The following KIFC1 variants were observed in gnomAD, a reference collection of about 807,000 sequenced individuals.
KIFC1 encodes the protein kinesin family member C1.
In KIFC1, 37 loss-of-function variants were observed where a neutral mutation model predicts 66.6. The ratio of observed to expected loss-of-function variants is 0.56; its 90% confidence interval spans 0.43 to 0.73. The LOEUF (loss-of-function observed/expected upper bound fraction) is 0.73. KIFC1 is among the 30% of genes least tolerant of loss of function. The pLI is 0.00. For missense variants in KIFC1, 721 were observed against 859.8 expected, an observed-to-expected ratio of 0.84 and a Z score of 2.02; for synonymous variants, 325 against 343.5, an observed-to-expected ratio of 0.95 and a Z score of 0.60.
intron 1 of KIFC1, 51 bp from the exon 2 acceptor site, chr6:33,397,978 T>G: frequency 6.2e-7 from 1 of 1,600,214 alleles, no homozygotes; most frequent in Non-Finnish European, 8.5e-7. Context: ...AGGAAGTTCT[T>G]GGGACATTTG....
At chr6:33,408,127 T>G (rs1329236865) in intron 10 of KIFC1, among the ~76,000 whole-genome samples, 1 of 152,242 alleles carries the variant, frequency 6.6e-6, no homozygotes, top group Admixed American at 6.5e-5. Flanking sequence ...AACTTTAATA[T>G]CCTCTAATAC....
At position 33,404,192 on chromosome 6, in the gene KIFC1, CCCTT is replaced by C. The variant is rs773253724; in HGVS notation, c.756+66_756+69del. ...TCCTGGCAGAGGTCATGCCTCCCCTCCCTTCCAGGTACCCCTCAAGTCTGGGCTG... is the reference window on the plus strand; with the variant it reads ...TCCTGGCAGAGGTCATGCCTCCCCTCCCAGGTACCCCTCAAGTCTGGGCTG... On this transcript the variant is annotated intron_variant, in intron 6 of 10. Coordinates refer to ENST00000428849, the MANE Select transcript of KIFC1 (RefSeq NM_002263.4). The surrounding 1 kb of genome is among the most constrained non-coding windows in gnomAD (Gnocchi z 4.0). 1.1e-5 allele frequency: 17 copies of C among 1,504,722 alleles called. No homozygotes were observed. The highest frequency in any genetic ancestry group is 1.5e-5 in the Non-Finnish European group (17 of 1,108,372). 93.2% of individuals were successfully genotyped at this position (1,504,722 alleles called of 1,614,324 possible).
chr6:33,399,148 G>A (rs1404265408), intron 3 of KIFC1, among the ~76,000 whole-genome samples: 1 of 152,192 alleles, frequency 6.6e-6, no homozygotes, highest in Non-Finnish European at 1.5e-5. Flanking sequence ...AGCACTTTGG[G>A]GGGCCAAGGT....
rs1775632490 is a variant in KIFC1, at chr6:33,406,033, C to G, written c.1537-163C>G. ...ACCCCGCCTTTATACACTCCCTATT[C>G]TATGTATTCCTTACCATTTTCAGAC... On this transcript the variant is annotated intron_variant, in intron 7 of 10. Coordinates refer to ENST00000428849, the MANE Select transcript of KIFC1 (RefSeq NM_002263.4). This position sits in a 1 kb window ranked among gnomAD's most constrained non-coding sequence, Gnocchi z 4.5. 6.6e-6 allele frequency among the ~76,000 whole-genome samples: 1 copy of G among 151,970 alleles called. No homozygotes were observed. Among genetic ancestry groups the G allele is most frequent in the South Asian group, 2.1e-4 (1 of 4,820 alleles).
In KIFC1 at chr6:33,405,688, G is replaced by T; in HGVS notation, c.1536+57G>T. On this transcript the variant is annotated intron_variant, in intron 7 of 10. Transcript: ENST00000428849. The surrounding 1 kb of genome is among the most constrained non-coding windows in gnomAD (Gnocchi z 5.4). Reference sequence around the variant, plus strand: ...TGGGGAGGAGTGGGCAGGGTGCCACGAGATGGAGGTAGAGGGAGAAAGGAG... The same window carrying T: ...TGGGGAGGAGTGGGCAGGGTGCCACTAGATGGAGGTAGAGGGAGAAAGGAG... 7.0e-7 allele frequency: 1 copy of T among 1,422,122 alleles called. No homozygotes were observed. The highest frequency in any genetic ancestry group is 1.5e-5 in the South Asian group (1 of 65,518). 88.1% of individuals were successfully genotyped at this position (1,422,122 alleles called of 1,614,324 possible). A position where few individuals can be genotyped will look rare whatever the true frequency, so the allele number is the denominator to read the frequency against.
intron 3 of KIFC1, among the ~76,000 whole-genome samples, chr6:33,399,849 A>C (rs768042185): frequency 5.9e-5 from 9 of 152,274 alleles, no homozygotes; most frequent in Non-Finnish European, 1.2e-4. Context: ...TGTAGACTTT[A>C]GAAACATGGT....
intron 1 of KIFC1, among the ~76,000 whole-genome samples, chr6:33,393,009 G>A (rs919483443): frequency 6.6e-5 from 10 of 152,136 alleles, no homozygotes; most frequent in African/African-American, 2.4e-4. Context: ...CGTAAGTGCT[G>A]TGGAGAAAAG....
chr6:33,408,115 T>C (rs1775741119), intron 10 of KIFC1, among the ~76,000 whole-genome samples: 1 of 152,246 alleles, frequency 6.6e-6, no homozygotes, highest in Non-Finnish European at 1.5e-5. Flanking sequence ...TCCAACAACA[T>C]GAACTTTAAT....
rs1038667772 is a variant in KIFC1, at chr6:33,401,081, T to C, written c.251-2233T>C. 6.6e-6 allele frequency among the ~76,000 whole-genome samples: 1 copy of C among 152,232 alleles called. No individual in the cohort carries two copies. Among genetic ancestry groups the C allele is most frequent in the Non-Finnish European group, 1.5e-5 (1 of 68,048 alleles). On this transcript the variant is annotated intron_variant, in intron 3 of 10. Coordinates refer to ENST00000428849, the MANE Select transcript of KIFC1 (RefSeq NM_002263.4). The surrounding 1 kb of genome is among the most constrained non-coding windows in gnomAD (Gnocchi z 4.5). ...TAAATTTTGTTTTGGGCGGGGAGCA[T>C]ATATTCAGGGCAATATGAATCTCTG...
At position 33,406,926 on chromosome 6, in the gene KIFC1, T is replaced by G. The variant is rs963558400; in HGVS notation, c.1977+51T>G. 6 of 1,611,334 alleles carry G rather than the reference T, an allele frequency of 3.7e-6. No homozygotes were observed. The highest frequency in any genetic ancestry group is 4.2e-6 in the Non-Finnish European group (5 of 1,178,734). On this transcript the variant is annotated intron_variant, in intron 10 of 10. Transcript: ENST00000428849. The surrounding 1 kb of genome is among the most constrained non-coding windows in gnomAD (Gnocchi z 4.5). Reference sequence around the variant, plus strand: ...TCAGGACCCGTGGGTGGTTGTAGGCTTCTCCATTCCAATCCCTTTTGTCTT... The same window carrying G: ...TCAGGACCCGTGGGTGGTTGTAGGCGTCTCCATTCCAATCCCTTTTGTCTT...
intron 10 of KIFC1, among the ~76,000 whole-genome samples, chr6:33,407,440 TCCTC>T (rs1425061749): frequency 1.3e-5 from 2 of 151,888 alleles, no homozygotes; most frequent in African/African-American, 4.8e-5. Context: ...TCCCTAAGAT[TCCTC>T]CCTATCAGCA....
At position 33,398,334 on chromosome 6, in the gene KIFC1, A is replaced by G. The variant is rs1329903242; in HGVS notation, c.197A>G (p.His66Arg). Residue 66 changes from histidine to arginine, a missense_variant, in exon 3 of 11, where the codon CAC becomes CGC. Physicochemically the swap from His to Arg is conservative, Grantham distance 29. Transcript: ENST00000428849. ...LGATTKITTS[H>R]PRVPSLTTVP... Reference sequence around the variant, plus strand: ...GCAACGACCAAAATTACCACATCCCACCCAAGAGTTCCATCCCTCACTACA... The same window carrying G: ...GCAACGACCAAAATTACCACATCCCGCCCAAGAGTTCCATCCCTCACTACA... 1 of 1,614,008 alleles carries G rather than the reference A, an allele frequency of 6.2e-7. No homozygotes were observed. The highest frequency in any genetic ancestry group is 2.2e-5 in the East Asian group (1 of 44,880).
chr6:33,404,030 G>A lies in KIFC1; in HGVS notation c.657G>A (p.Arg219=). 1 of 1,614,192 alleles carries A rather than the reference G, an allele frequency of 6.2e-7. No homozygotes were observed. The highest frequency in any genetic ancestry group is 8.5e-7 in the Non-Finnish European group (1 of 1,180,020). ...LRACVLELEE[R]LSTQEGLVQE... Reference sequence around the variant, plus strand: ...CTTGTGTCCTGGAGCTGGAAGAGCGGCTGAGCACGCAGGAGGGCTTGGTGC... The same window carrying A: ...CTTGTGTCCTGGAGCTGGAAGAGCGACTGAGCACGCAGGAGGGCTTGGTGC... Residue 219 remains arginine (R), a synonymous_variant, in exon 6 of 11, where the codon CGG becomes CGA. Coordinates refer to ENST00000428849, the MANE Select transcript of KIFC1 (RefSeq NM_002263.4). The surrounding 1 kb of genome is among the most constrained non-coding windows in gnomAD (Gnocchi z 4.0).
In KIFC1 at chr6:33,392,355, C is replaced by T. The variant is rs190561171; in HGVS notation, c.12+358C>T. On this transcript the variant is annotated intron_variant, in intron 1 of 10. Coordinates refer to ENST00000428849, the MANE Select transcript of KIFC1 (RefSeq NM_002263.4). ...TTGCAGTGTGTAAGAAGGGAGAGTT[C>T]TGATATGACTTCTTCCTTTTGGGGA... 2.5e-4 allele frequency among the ~76,000 whole-genome samples: 38 copies of T among 152,328 alleles called. No homozygotes were observed. In the East Asian group the frequency reaches 6.7e-3, roughly 27 times the overall value.
chr6:33,407,050 T>C (rs1325092682), intron 10 of KIFC1, 175 bp downstream of exon 10: 1 of 1,418,574 alleles, frequency 7.0e-7, no homozygotes, highest in African/African-American at 1.4e-5. Context: ...AGTTAAGTTT[T>C]TTAAAAAACG....
rs1421826213 is a variant in KIFC1 at position 33,405,862 on chromosome 6, T to C, written c.1536+231T>C. 3.9e-5 allele frequency among the ~76,000 whole-genome samples: 6 copies of C among 152,042 alleles called. No individual in the cohort carries two copies. The highest frequency in any genetic ancestry group is 3.9e-4 in the East Asian group (2 of 5,186). On this transcript the variant is annotated intron_variant, in intron 7 of 10. Transcript: ENST00000428849. The surrounding 1 kb of genome is among the most constrained non-coding windows in gnomAD (Gnocchi z 5.4). ...AAACGAGGAGGGTCACTACATCTCA[T>C]GTCTCATCTTCTTGCTCAGCTCATC...
chr6:33,406,260 G>C lies in KIFC1; in HGVS notation c.1601G>C (p.Arg534Pro). ...RAVARTAQNE[R>P]SSRSHSVFQL... ...GTGGCCCGCACAGCCCAGAATGAAC[G>C]GTCATCACGCAGCCACAGTGTATTC... Residue 534 changes from arginine (R) to proline (P), a missense_variant, in exon 8 of 11, where the codon CGG becomes CCG. Arg to Pro is a moderately radical substitution (Grantham distance 103). Coordinates refer to ENST00000428849, the MANE Select transcript of KIFC1 (RefSeq NM_002263.4). This position sits in a 1 kb window ranked among gnomAD's most constrained non-coding sequence, Gnocchi z 4.5. 1 of 1,614,106 alleles carries C rather than the reference G, an allele frequency of 6.2e-7. No homozygotes were observed.
At chr6:33,393,815 C>T (rs1774906946) in intron 1 of KIFC1, among the ~76,000 whole-genome samples, 3 of 146,704 alleles carry the variant, frequency 2.0e-5, no homozygotes, top group African/African-American at 5.1e-5. Context: ...GGCGCGGTCT[C>T]GGCTCACTGC....
Position 33,406,959 on chromosome 6 carries a change from A to G in KIFC1, c.1977+84A>G. On this transcript the variant is annotated intron_variant, in intron 10 of 10. Coordinates refer to ENST00000428849, the MANE Select transcript of KIFC1 (RefSeq NM_002263.4). The surrounding 1 kb of genome is among the most constrained non-coding windows in gnomAD (Gnocchi z 4.5). Reference sequence around the variant, plus strand: ...TCCAATCCCTTTTGTCTTCTAGGGCAGGGAGCACATTTGTGCAGAAAGGTT... The same window carrying G: ...TCCAATCCCTTTTGTCTTCTAGGGCGGGGAGCACATTTGTGCAGAAAGGTT... The G allele has an allele frequency of 6.3e-7, 1 of 1,585,388 alleles. No individual in the cohort carries two copies. The highest frequency in any genetic ancestry group is 8.6e-7 in the Non-Finnish European group (1 of 1,164,254).
Sources: gnomAD v4.1 joint callset for allele counts (sites outside exome capture counted in the v4.1 genomes callset) on GRCh38, gnomAD v4.1.1 for gene constraint, Gnocchi (gnomAD v3.1) non-coding constraint, MANE v1.5 for transcripts, NCBI Gene and HGNC (gene_info 2026-07-23, HGNC 2026-07-21) for gene names.